NRXN1: variants seen among roughly 807,000 people sequenced by gnomAD.
The protein encoded by NRXN1 is neurexin 1, also known as neurexin-1.
NRXN1 carries 39 observed loss-of-function variants against 150.9 expected under a neutral mutation model. That is an observed-to-expected ratio of 0.26 (90% CI 0.20 to 0.34). NRXN1 has a LOEUF of 0.34. Among genes scored for constraint, NRXN1 ranks in the 10% least tolerant of loss-of-function variants. NRXN1 has a pLI of 1.00. For synonymous variants in NRXN1, 924 were observed against 757.0 expected (o/e 1.22, Z -3.62); for missense variants, 1,815 against 1,949.9 (o/e 0.93, Z 1.30).
chr2:50,311,532 T>C (rs2075182353), intron 17 of NRXN1, among the ~76,000 whole-genome samples: 1 of 152,082 alleles, frequency 6.6e-6, no homozygotes, highest in South Asian at 2.1e-4. Context: ...CAGCAACTTG[T>C]GTACTCCCCT....
chr2:50,405,401 C>T (rs548159834), intron 17 of NRXN1, among the ~76,000 whole-genome samples: 2 of 152,184 alleles, frequency 1.3e-5, no homozygotes, highest in South Asian at 2.1e-4. Context: ...TAGAAACCAA[C>T]AATCTCCAAG....
At chr2:50,589,211 G>T (rs1453778465) in intron 8 of NRXN1, 1 of 152,512 alleles carries the variant, frequency 6.6e-6, no homozygotes, top group Admixed American at 6.5e-5. Context: ...TAGGACTGCT[G>T]TGATTAGGAC....
At chr2:50,201,025 G>T (rs777132777) in intron 18 of NRXN1, among the ~76,000 whole-genome samples, 2 of 151,760 alleles carry the variant, frequency 1.3e-5, no homozygotes, top group Admixed American at 6.6e-5. Context: ...TACTTCTGTT[G>T]CCCACTGTTT....
chr2:50,127,574 T>C (rs1457282868), intron 18 of NRXN1, among the ~76,000 whole-genome samples: 2 of 152,152 alleles, frequency 1.3e-5, no homozygotes, highest in Non-Finnish European at 2.9e-5. Flanking sequence ...AAACTGTCAA[T>C]AGGTATCAAT....
At chr2:50,099,567 T>C (rs554067881) in intron 18 of NRXN1, among the ~76,000 whole-genome samples, 15 of 152,262 alleles carry the variant, frequency 9.9e-5, no homozygotes, top group Non-Finnish European at 2.2e-4. Flanking sequence ...ATAGTTCCTG[T>C]TAGCTATTAG....
chr2:50,267,992 C>A (rs1223471376), intron 17 of NRXN1, among the ~76,000 whole-genome samples: 2 of 152,162 alleles, frequency 1.3e-5, no homozygotes, highest in South Asian at 2.1e-4. Flanking sequence ...GAGTTTGCGA[C>A]CAGCCTGGGT....
intron 12 of NRXN1, among the ~76,000 whole-genome samples, chr2:50,509,288 G>C (rs2092362134): frequency 6.6e-6 from 1 of 152,196 alleles, no homozygotes; most frequent in Admixed American, 6.5e-5. Context: ...AGATGGAAAA[G>C]ATCCTCTTTG....
At chr2:50,414,378 C>CAT (rs1558689774) in intron 17 of NRXN1, among the ~76,000 whole-genome samples, 1 of 148,006 alleles carries the variant, frequency 6.8e-6, no homozygotes, top group African/African-American at 2.7e-5. Flanking sequence ...ATTATAAAAA[C>CAT]ATACCTTTTT....
chr2:50,854,343 A>G (rs1339563981), intron 5 of NRXN1, among the ~76,000 whole-genome samples: 2 of 152,118 alleles, frequency 1.3e-5, no homozygotes, highest in African/African-American at 4.8e-5. Context: ...CTGTTCCAAT[A>G]TCTAAGCATA....
chr2:50,898,711 T>A, intron 5 of NRXN1: 1 of 345,126 alleles, frequency 2.9e-6, no homozygotes, highest in South Asian at 2.3e-5. Flanking sequence ...AAAGCACATT[T>A]ATAATTTATT....
At chr2:50,925,865 C>T (rs1202859205) in intron 3 of NRXN1, 73 bp downstream of exon 3, 1 of 1,172,240 alleles carries the variant, frequency 8.5e-7, no homozygotes, top group East Asian at 2.6e-5. Flanking sequence ...CATCTAACTT[C>T]AAGATGTACC....
intron 18 of NRXN1, among the ~76,000 whole-genome samples, chr2:50,209,317 A>T (rs7578644): frequency 0.13 from 19,107 of 152,146 alleles, 1,308 homozygotes; most frequent in South Asian, 0.16. Context: ...AGAGAGTCTA[A>T]TTCAAGGCAT....
At chr2:50,697,378 G>T (rs552596891) in intron 5 of NRXN1, among the ~76,000 whole-genome samples, 2 of 152,184 alleles carry the variant, frequency 1.3e-5, no homozygotes, top group African/African-American at 2.4e-5. Context: ...TGTGACAAAA[G>T]TTGGAAAGAG....
intron 8 of NRXN1, among the ~76,000 whole-genome samples, chr2:50,614,594 A>C (rs946200451): frequency 3.3e-5 from 5 of 150,786 alleles, no homozygotes; most frequent in Admixed American, 1.3e-4. Flanking sequence ...TATGTAACAA[A>C]CCTGCACGTT....
intron 17 of NRXN1, among the ~76,000 whole-genome samples, chr2:50,319,850 A>G (rs1032485223): frequency 6.6e-6 from 1 of 152,016 alleles, no homozygotes; most frequent in Non-Finnish European, 1.5e-5. Flanking sequence ...TTTGTCCCTT[A>G]AGCTCCAACT....
At chr2:50,256,737 T>C (rs2067732829) in intron 17 of NRXN1, among the ~76,000 whole-genome samples, 1 of 152,132 alleles carries the variant, frequency 6.6e-6, no homozygotes, top group Non-Finnish European at 1.5e-5. Context: ...GAAGGGTCTA[T>C]TGACTAACTT....
chr2:50,514,917 T>G (rs995367785), intron 12 of NRXN1, among the ~76,000 whole-genome samples: 1 of 152,160 alleles, frequency 6.6e-6, no homozygotes, highest in African/African-American at 2.4e-5. Flanking sequence ...TTCTCCTAAC[T>G]TTTTTACTGC....
chr2:50,185,366 C>T (rs1179383915), intron 18 of NRXN1, among the ~76,000 whole-genome samples: 2 of 151,964 alleles, frequency 1.3e-5, no homozygotes, highest in Non-Finnish European at 2.9e-5. Context: ...ATTTAACTTG[C>T]TATTACCATA....
intron 18 of NRXN1, among the ~76,000 whole-genome samples, chr2:50,231,718 T>C (rs532916545): frequency 2.0e-5 from 3 of 152,190 alleles, no homozygotes; most frequent in South Asian, 2.1e-4. Flanking sequence ...ATGTTAATAT[T>C]TGTGGTAGTG....
Sources: allele counts gnomAD v4.1 joint callset (sites outside exome capture counted in the v4.1 genomes callset), GRCh38; gene constraint gnomAD v4.1.1; transcripts MANE v1.5; gene names NCBI Gene and HGNC (gene_info 2026-07-23, HGNC 2026-07-21).